Variants in GFRA1 observed in about 807,000 individuals in gnomAD.
GFRA1 encodes the protein GDNF family receptor alpha-1.
In GFRA1, 16 loss-of-function variants were observed where a neutral mutation model predicts 51.6. The observed-to-expected ratio is 0.31, with a 90% CI of 0.21 to 0.47. The LOEUF is 0.47. Ranked by LOEUF, GFRA1 falls within the 20% of genes least tolerant of loss-of-function variation. The pLI, the probability that GFRA1 is intolerant of heterozygous loss-of-function variation, is 1.00. For missense variants in GFRA1, 530 were observed against 594.3 expected (o/e 0.89, Z 1.13); for synonymous variants, 270 against 241.3 (o/e 1.12, Z -1.10).
chr10:116,254,043 G>A (rs1019928233), intron 4 of GFRA1, among the ~76,000 whole-genome samples: 7 of 152,062 alleles, frequency 4.6e-5, no homozygotes, highest in South Asian at 2.1e-4. Context: ...CTATGAGACC[G>A]GGTGCAATAG....
chr10:116,176,565 G>A (rs1047737149), intron 5 of GFRA1, among the ~76,000 whole-genome samples: 2 of 152,072 alleles, frequency 1.3e-5, no homozygotes, highest in Non-Finnish European at 2.9e-5. Context: ...AGCTTCCTGA[G>A]GCCTCACAGA....
intron 5 of GFRA1, among the ~76,000 whole-genome samples, chr10:116,154,964 G>T (rs12249112): frequency 1.4e-4 from 21 of 152,132 alleles, no homozygotes; most frequent in Non-Finnish European, 2.6e-4. Flanking sequence ...GGCTTCTTCA[G>T]AAAATACAAC....
At chr10:116,220,882 A>G (rs1965875914) in intron 4 of GFRA1, among the ~76,000 whole-genome samples, 1 of 152,026 alleles carries the variant, frequency 6.6e-6, no homozygotes, top group Non-Finnish European at 1.5e-5. Context: ...TTTCATTAGA[A>G]CTCCCTGCTA....
In GFRA1 at chr10:116,211,553, C is replaced by T. The variant is rs1589876657; in HGVS notation, c.433+78G>A. 8 of 1,286,416 alleles carry T rather than the reference C, an allele frequency of 6.2e-6. No individual in the cohort carries two copies. In the East Asian group the frequency reaches 1.0e-4, roughly 16 times the overall value. 79.7% of individuals were successfully genotyped at this position (1,286,416 alleles called of 1,614,324 possible). A position where few individuals can be genotyped will look rare whatever the true frequency, so the allele number is the denominator to read the frequency against. On this transcript the variant is annotated intron_variant, in intron 5 of 10. Coordinates refer to ENST00000355422, the MANE Select transcript of GFRA1 (RefSeq NM_005264.8). Reference sequence around the variant, plus strand: ...CCATAGAGAACGGGAAACCCCATAACCCTCTGTACACAGACCATACCCATG... The same window carrying T: ...CCATAGAGAACGGGAAACCCCATAATCCTCTGTACACAGACCATACCCATG...
intron 4 of GFRA1, among the ~76,000 whole-genome samples, chr10:116,258,883 G>A (rs1319663982): frequency 6.6e-6 from 1 of 152,076 alleles, no homozygotes; most frequent in Non-Finnish European, 1.5e-5. Flanking sequence ...AGTATCATGG[G>A]GAATGCAACC....
rs766293550 is a variant in GFRA1 at position 116,064,465 on chromosome 10, A to G, written c.1331T>C (p.Leu444Pro). 6 of 1,612,930 alleles carry G rather than the reference A, an allele frequency of 3.7e-6. No individual in the cohort carries two copies. The South Asian group carries it at 4.4e-5, about 12-fold the overall frequency. The change falls in exon 11 of 11, where the codon CTG becomes CCG. Residue 444 changes from leucine to proline, a missense_variant. Transcript: ENST00000355422. Reference protein sequence around the residue: ...KSMAAPPSCGLSPLLVLVVTA... With the variant: ...KSMAAPPSCGPSPLLVLVVTA... ...TACCACCAGGACCAGCAGTGGGCTC[A>G]GACCACAGCTTGGAGGAGCAGCCAT...
At chr10:116,211,974 T>A (rs552851580) in intron 4 of GFRA1, among the ~76,000 whole-genome samples, 1 of 152,222 alleles carries the variant, frequency 6.6e-6, no homozygotes, top group African/African-American at 2.4e-5. Context: ...ATAGTAAACA[T>A]AGAAAAATCA....
chr10:116,100,633 G>C (rs1956782390), intron 6 of GFRA1, among the ~76,000 whole-genome samples: 1 of 152,198 alleles, frequency 6.6e-6, no homozygotes, highest in Non-Finnish European at 1.5e-5. Flanking sequence ...TTAAACCCGA[G>C]AAGTAACATG....
At chr10:116,261,597 C>T (rs1969306323) in intron 4 of GFRA1, among the ~76,000 whole-genome samples, 1 of 152,132 alleles carries the variant, frequency 6.6e-6, no homozygotes, top group Non-Finnish European at 1.5e-5. Context: ...GCCTTAAATA[C>T]ATTCTAGTTC....
At chr10:116,071,224 C>T (rs1955376278) in intron 9 of GFRA1, among the ~76,000 whole-genome samples, 1 of 152,152 alleles carries the variant, frequency 6.6e-6, no homozygotes, top group Non-Finnish European at 1.5e-5. Flanking sequence ...ACTCTTCTAC[C>T]ACTGAGCCTG....
At chr10:116,079,493 A>G (rs1239515538) in intron 9 of GFRA1, among the ~76,000 whole-genome samples, 1 of 144,294 alleles carries the variant, frequency 6.9e-6, no homozygotes, top group Non-Finnish European at 1.5e-5. Flanking sequence ...AGTATAAAGG[A>G]AAAGGGGGGT....
intron 5 of GFRA1, among the ~76,000 whole-genome samples, chr10:116,165,929 C>G (rs1960350561): frequency 6.6e-6 from 1 of 152,052 alleles, no homozygotes; most frequent in Non-Finnish European, 1.5e-5. Context: ...GTTATTTTTT[C>G]TGATCTTCTC....
At chr10:116,099,423 C>T (rs977032000) in intron 6 of GFRA1, among the ~76,000 whole-genome samples, 3 of 152,308 alleles carry the variant, frequency 2.0e-5, no homozygotes, top group African/African-American at 4.8e-5. Context: ...CCAGTTGAGT[C>T]CCAACCCTTC....
intron 5 of GFRA1, among the ~76,000 whole-genome samples, chr10:116,203,826 T>C (rs1222801151): frequency 6.6e-6 from 1 of 152,220 alleles, no homozygotes; most frequent in Non-Finnish European, 1.5e-5. Context: ...AGCTGGAGTA[T>C]TGTAAACAGT....
At chr10:116,273,685 C>G (rs11197618), upstream of GFRA1, among the ~76,000 whole-genome samples, 13,096 of 127,216 alleles carry the variant, frequency 0.1, 1,277 homozygotes, top group African/African-American at 0.3. Context: ...CTCTCTCTCT[C>G]TCTCTCTCTC....
intron 5 of GFRA1, among the ~76,000 whole-genome samples, chr10:116,158,336 C>T (rs564491555): frequency 2.0e-5 from 3 of 152,294 alleles, no homozygotes; most frequent in Admixed American, 2.0e-4. Flanking sequence ...ATTGTAAACT[C>T]CATGAGGGCT....
chr10:116,167,178 T>C (rs1043014801), intron 5 of GFRA1, among the ~76,000 whole-genome samples: 2 of 152,264 alleles, frequency 1.3e-5, no homozygotes, highest in African/African-American at 2.4e-5. Flanking sequence ...GCAGAAGAAC[T>C]TCCTCCCCAA....
intron 5 of GFRA1, among the ~76,000 whole-genome samples, chr10:116,204,691 C>T (rs1565649633): frequency 1.3e-5 from 2 of 151,958 alleles, no homozygotes; most frequent in Admixed American, 6.6e-5. Context: ...ATTTGAGCAA[C>T]AAAATAAATA....
rs200334587 is a variant in GFRA1 at position 116,125,341 on chromosome 10, C to T, written c.650G>A (p.Arg217Gln). Residue 217 changes from arginine (R) to glutamine (Q), a missense_variant, in exon 6 of 11, where the codon CGG becomes CAG. Transcript: ENST00000355422. ...CCTCCGCTCTGTGCAGGCGATGTCC[C>T]GGCAGGAGCAGAAGAGCATTCCGTA... Reference protein sequence around the residue: ...HSYGMLFCSCRDIACTERRRQ... With the variant: ...HSYGMLFCSCQDIACTERRRQ... 2.0e-4 allele frequency: 328 copies of T among 1,614,224 alleles called. 2 individuals are homozygous for T. The highest frequency in any genetic ancestry group is 1.6e-4 in the Middle Eastern group (1 of 6,062).
Sources: allele counts gnomAD v4.1 joint callset (sites outside exome capture counted in the v4.1 genomes callset), GRCh38; gene constraint gnomAD v4.1.1; transcripts MANE v1.5; gene names NCBI Gene and HGNC (gene_info 2026-07-23, HGNC 2026-07-21).